FNBP4: variants seen among roughly 807,000 people sequenced by gnomAD.
FNBP4 encodes the protein formin-binding protein 4.
A neutral mutation model predicts 119.3 loss-of-function variants in FNBP4; 34 were observed. The observed-to-expected ratio is 0.28, with a 90% confidence interval of 0.22 to 0.38. FNBP4 has a LOEUF of 0.38. Ranked by LOEUF, FNBP4 falls within the 10% of genes least tolerant of loss-of-function variation. The pLI, the probability that FNBP4 is intolerant of heterozygous loss-of-function variation, is 1.00. For missense variants in FNBP4, 1,112 were observed against 1,228.9 expected (o/e 0.90, Z 1.42); for synonymous variants, 462 against 430.6 (o/e 1.07, Z -0.90).
intron 8 of FNBP4, among the ~76,000 whole-genome samples, chr11:47,741,574 T>C (rs747958605): frequency 3.3e-5 from 5 of 151,646 alleles, no homozygotes; most frequent in Non-Finnish European, 5.9e-5. Flanking sequence ...TCCCAGCACT[T>C]TGGGAGGCTG....
intron 10 of FNBP4, among the ~76,000 whole-genome samples, chr11:47,733,803 C>G (rs1001022867): frequency 2.0e-5 from 3 of 152,118 alleles, no homozygotes; most frequent in Non-Finnish European, 2.9e-5. Flanking sequence ...TACATGGCCT[C>G]ATCTGACCAT....
chr11:47,766,356 T>C (rs1277262710), intron 1 of FNBP4, among the ~76,000 whole-genome samples: 1 of 152,204 alleles, frequency 6.6e-6, no homozygotes, highest in Non-Finnish European at 1.5e-5. Context: ...ACATCTGCAA[T>C]ACTTACAAAT....
chr11:47,760,794 C>T (rs896637393), intron 2 of FNBP4, among the ~76,000 whole-genome samples: 1 of 152,122 alleles, frequency 6.6e-6, no homozygotes, highest in African/African-American at 2.4e-5. Flanking sequence ...GAACTCTTGA[C>T]GTCAGGTGAT....
chr11:47,733,331 T>C lies in FNBP4; in HGVS notation c.1687-661A>G, dbSNP rs181293732. Among the ~76,000 whole-genome samples, 430 of 152,150 alleles carry C rather than the reference T, an allele frequency of 2.8e-3. 6 individuals are homozygous for C. The highest frequency in any genetic ancestry group is 3.1e-3 in the Admixed American group (48 of 15,254). On this transcript the variant is annotated intron_variant, in intron 10 of 16. Coordinates refer to ENST00000263773, the MANE Select transcript of FNBP4 (RefSeq NM_015308.5). ...ACTGTTAGTAATCACAGTTAAGGAT[T>C]CAGTTCTTTTTTTTTTTTAGAGACG...
intron 6 of FNBP4, among the ~76,000 whole-genome samples, chr11:47,747,816 C>T (rs929747646): frequency 2.4e-4 from 37 of 151,952 alleles, no homozygotes; most frequent in African/African-American, 8.7e-4. Context: ...GGCATGGCGG[C>T]GTGCGCCTGT....
intron 9 of FNBP4, 87 bp from the exon 10 acceptor site, chr11:47,734,216 T>A: frequency 1.5e-6 from 1 of 678,314 alleles, no homozygotes; most frequent in Non-Finnish European, 2.3e-6. Context: ...CTTATAGATA[T>A]TAGAAATATG....
Position 47,732,109 on chromosome 11 carries a change from C to A in FNBP4, c.1820+428G>T. The A allele has an allele frequency of 1.0e-6, 1 of 996,930 alleles. No homozygotes were observed. 61.8% of individuals were successfully genotyped at this position (996,930 alleles called of 1,614,324 possible). A position where few individuals can be genotyped will look rare whatever the true frequency, so the allele number is the denominator to read the frequency against. The stretch of plus-strand genomic sequence containing the variant: ...AGCCAAATATATAAAGAAATGTTTT[C>A]ATCTGACCTGCTGGCAGAGGATAGT... On this transcript the variant is annotated intron_variant, in intron 11 of 16. Coordinates refer to ENST00000263773, the MANE Select transcript of FNBP4 (RefSeq NM_015308.5). This position sits in a 1 kb window ranked among gnomAD's most constrained non-coding sequence, Gnocchi z 4.2.
At chr11:47,721,072 A>G (rs2097555116) in intron 15 of FNBP4, among the ~76,000 whole-genome samples, 1 of 152,008 alleles carries the variant, frequency 6.6e-6, no homozygotes, top group Non-Finnish European at 1.5e-5. Flanking sequence ...CATGCCTGTA[A>G]TCACTTTGGG....
chr11:47,760,143 C>A (rs2097630197), intron 2 of FNBP4, among the ~76,000 whole-genome samples: 1 of 152,076 alleles, frequency 6.6e-6, no homozygotes, highest in South Asian at 2.1e-4. Context: ...GAGCTTTTCA[C>A]CTATGGACAA....
chr11:47,738,465 C>T (rs774835022), intron 8 of FNBP4, among the ~76,000 whole-genome samples: 17 of 151,638 alleles, frequency 1.1e-4, no homozygotes, highest in East Asian at 3.9e-4. Context: ...CTCAGGGGGC[C>T]GAGGCAGGAG....
At chr11:47,718,257 A>C (rs1400743077) in intron 16 of FNBP4, among the ~76,000 whole-genome samples, 1 of 151,700 alleles carries the variant, frequency 6.6e-6, no homozygotes, top group Non-Finnish European at 1.5e-5. Context: ...TCTGTTGCCC[A>C]GACTGGAGTG....
In FNBP4 at chr11:47,746,100, C is replaced by T. The variant is rs1354729274; in HGVS notation, c.1201G>A (p.Glu401Lys). 2 of 1,608,542 alleles carry T rather than the reference C, an allele frequency of 1.2e-6. No individual in the cohort carries two copies. Among genetic ancestry groups the T allele is most frequent in the Non-Finnish European group, 1.7e-6 (2 of 1,178,646 alleles). Residue 401 changes from glutamate (E) to lysine (K), a missense_variant, in exon 7 of 17, where the codon GAA becomes AAA. Coordinates refer to ENST00000263773, the MANE Select transcript of FNBP4 (RefSeq NM_015308.5). ...AGCTCCAGTTCAAGGGTATCTTGTT[C>T]CTCTTCCTCCTCACTTTCTCCAGAT... ...VQSGESEEEE[E>K]QDTLELELVL...
chr11:47,736,979 A>G (rs10838753), intron 8 of FNBP4, among the ~76,000 whole-genome samples: 52,670 of 151,788 alleles, frequency 0.35, 10,533 homozygotes, highest in South Asian at 0.52. Flanking sequence ...TTGGAGGTGA[A>G]AAGATCACGA....
Position 47,717,328 on chromosome 11 carries a change from A to T in FNBP4, c.*94T>A. The stretch of plus-strand genomic sequence containing the variant: ...AGGAAATTTATAAGATCTCCCCCAT[A>T]ACATTTATAGTTTATTTGACAATAA... On this transcript the variant is annotated 3_prime_UTR_variant, in exon 17 of 17. Coordinates refer to ENST00000263773, the MANE Select transcript of FNBP4 (RefSeq NM_015308.5). 1 of 793,250 alleles carries T rather than the reference A, an allele frequency of 1.3e-6. No homozygotes were observed. Among genetic ancestry groups the T allele is most frequent in the Non-Finnish European group, 2.0e-6 (1 of 495,098 alleles). The allele number at this position is 793,250 out of a possible 1,614,324, so 49.1% of individuals were successfully genotyped here.
intron 12 of FNBP4, chr11:47,729,725 T>C: frequency 1.0e-6 from 1 of 985,456 alleles, no homozygotes; most frequent in South Asian, 4.7e-5. Context: ...TGCTGTGTTT[T>C]GTTTTTTCTC....
Position 47,744,089 on chromosome 11 carries a change from T to A in FNBP4, c.1320A>T (p.Pro440=), listed in dbSNP as rs762348323. ...GCCTACGCATTCCATCTTGAGATGC[T>A]GGCTGGCTGATATCAGAACGTGGAC... ...GSSPRSDISQ[P]ASQDGMRRLM... is the part of the protein sequence containing the mutation. Residue 440 remains proline (P), a synonymous_variant, in exon 8 of 17, where the codon CCA becomes CCT. Coordinates refer to ENST00000263773, the MANE Select transcript of FNBP4 (RefSeq NM_015308.5). 6.2e-7 allele frequency: 1 copy of A among 1,614,156 alleles called. No homozygotes were observed. The highest frequency in any genetic ancestry group is 1.7e-5 in the Admixed American group (1 of 60,014).
Position 47,731,528 on chromosome 11 carries a change from C to G in FNBP4, c.1854G>C (p.Gln618His). The G allele has an allele frequency of 6.2e-7, 1 of 1,612,488 alleles. No individual in the cohort carries two copies. The highest frequency in any genetic ancestry group is 8.5e-7 in the Non-Finnish European group (1 of 1,179,624). ...GAAACTCCCACTGAGACTCGCCCGA[C>G]TGTTCGTTTACATAGAAATACCGTC... Reference protein sequence around the residue: ...DHRRYFYVNEQSGESQWEFPD... With the variant: ...DHRRYFYVNEHSGESQWEFPD... The change falls in exon 12 of 17, where the codon CAG (glutamine) becomes CAC (histidine). Residue 618 changes from glutamine to histidine, a missense_variant. Transcript: ENST00000263773.
At chr11:47,730,078 G>A in intron 12 of FNBP4, 1 of 985,434 alleles carries the variant, frequency 1.0e-6, no homozygotes, top group Non-Finnish European at 1.2e-6. Context: ...AGAACATTCA[G>A]AATTGGTAAC....
intron 9 of FNBP4, among the ~76,000 whole-genome samples, chr11:47,736,272 GCGGGC>G (rs1174060723): frequency 6.9e-6 from 1 of 145,586 alleles, no homozygotes; most frequent in Non-Finnish European, 1.5e-5. Context: ...AAAAAATTTG[GCGGGC>G]CGGGCGCAGT....
Sources: gnomAD v4.1 joint callset for allele counts (sites outside exome capture counted in the v4.1 genomes callset) on GRCh38, gnomAD v4.1.1 for gene constraint, Gnocchi (gnomAD v3.1) non-coding constraint, MANE v1.5 for transcripts, NCBI Gene and HGNC (gene_info 2026-07-23, HGNC 2026-07-21) for gene names.